The following ADD2 variants were observed in gnomAD, a reference collection of about 807,000 sequenced individuals.
The protein encoded by ADD2 is adducin 2.
A neutral mutation model predicts 83.0 loss-of-function variants in ADD2; 23 were observed. The observed-to-expected ratio is 0.28, with a 90% CI of 0.20 to 0.39. The LOEUF (loss-of-function observed/expected upper bound fraction) is 0.39, where lower values mean the gene tolerates loss of function less well. ADD2 is among the 10% of genes least tolerant of loss of function. The pLI is 1.00. For synonymous variants in ADD2, 375 were observed against 375.4 expected (o/e 1.00, Z 0.01); for missense variants, 758 against 944.9 (o/e 0.80, Z 2.59).
At chr2:70,747,438 G>A (rs1247509677) in intron 1 of ADD2, among the ~76,000 whole-genome samples, 2 of 147,752 alleles carry the variant, frequency 1.4e-5, no homozygotes, top group African/African-American at 2.5e-5. Flanking sequence ...ATCATGCCAT[G>A]TGCTCTCCCA....
At chr2:70,670,497 G>A (rs1553366895) in intron 15 of ADD2, among the ~76,000 whole-genome samples, 2 of 152,204 alleles carry the variant, frequency 1.3e-5, no homozygotes, top group African/African-American at 4.8e-5. Flanking sequence ...TGGGACAAGG[G>A]TCTGACAGGA....
At chr2:70,664,217 A>G (rs532371147) in intron 15 of ADD2, among the ~76,000 whole-genome samples, 1 of 152,378 alleles carries the variant, frequency 6.6e-6, no homozygotes, top group South Asian at 2.1e-4. Context: ...TCCAAGAAAT[A>G]TGGAGAATAT....
chr2:70,696,980 GA>G (rs1553372828), intron 4 of ADD2, among the ~76,000 whole-genome samples: 2 of 152,104 alleles, frequency 1.3e-5, no homozygotes, highest in East Asian at 3.9e-4. Context: ...CCAACACAGT[GA>G]AACCCCGTCT....
chr2:70,727,413 C>T (rs998751052), intron 1 of ADD2, among the ~76,000 whole-genome samples: 14 of 152,136 alleles, frequency 9.2e-5, no homozygotes, highest in Non-Finnish European at 1.8e-4. Context: ...CTCTCCCTCT[C>T]CTGGGCTCCA....
At chr2:70,690,673 T>C (rs966768924) in intron 8 of ADD2, 113 bp downstream of exon 8, 108 of 1,280,912 alleles carry the variant, frequency 8.4e-5, no homozygotes, top group Admixed American at 1.1e-4. Context: ...AGATCTTTCT[T>C]TTTTTTCCCC....
chr2:70,725,994 C>T lies in ADD2; in HGVS notation c.-153-12810G>A, dbSNP rs574273505. Among the ~76,000 whole-genome samples, 1,151 of 151,598 alleles carry T rather than the reference C, an allele frequency of 7.6e-3. 5 individuals carry two copies. Among genetic ancestry groups the T allele is most frequent in the Non-Finnish European group, 0.012 (836 of 67,872 alleles). On this transcript the variant is annotated intron_variant, in intron 1 of 15. Coordinates refer to ENST00000264436, the MANE Select transcript of ADD2 (RefSeq NM_001617.4). ...CGAGGTCAGGAGATCGAGACCATCCCGGCTAAAACGGTGAAACCCCGTCTC... is the reference window on the plus strand; with the variant it reads ...CGAGGTCAGGAGATCGAGACCATCCTGGCTAAAACGGTGAAACCCCGTCTC...
chr2:70,764,387 G>C (rs561889077), intron 1 of ADD2, among the ~76,000 whole-genome samples: 1 of 151,998 alleles, frequency 6.6e-6, no homozygotes, highest in Non-Finnish European at 1.5e-5. Flanking sequence ...CCTGCCAATA[G>C]AGCAGTGGTC....
Position 70,695,884 on chromosome 2 carries a change from C to T in ADD2, c.475-83G>A, listed in dbSNP as rs1250869655. On this transcript the variant is annotated intron_variant, in intron 5 of 15. Transcript: ENST00000264436. ...CACTGTGCTTGAATCCCCTCTTCCCCTGAATCTACTGCACCCAAGTCCATC... is the reference window on the plus strand; with the variant it reads ...CACTGTGCTTGAATCCCCTCTTCCCTTGAATCTACTGCACCCAAGTCCATC... The T allele has an allele frequency of 6.9e-6, 8 of 1,166,838 alleles. No homozygotes were observed. The African/African-American group carries it at 1.1e-4, about 15-fold the overall frequency. The allele number at this position is 1,166,838 out of a possible 1,614,324, so 72.3% of individuals were successfully genotyped here. A position where few individuals can be genotyped will look rare whatever the true frequency, so the allele number is the denominator to read the frequency against.
chr2:70,672,771 G>C (rs782441976), intron 15 of ADD2, 107 bp downstream of exon 15: 12 of 1,306,510 alleles, frequency 9.2e-6, no homozygotes, highest in Non-Finnish European at 1.0e-5. Context: ...AAATAGCAGA[G>C]GGGAAAGATT....
chr2:70,670,003 A>G (rs1669835654), intron 15 of ADD2, among the ~76,000 whole-genome samples: 1 of 152,166 alleles, frequency 6.6e-6, no homozygotes, highest in African/African-American at 2.4e-5. Flanking sequence ...CAAGCTCCCT[A>G]CTGACTGGAG....
chr2:70,731,758 A>T (rs1673294602), intron 1 of ADD2, among the ~76,000 whole-genome samples: 1 of 152,202 alleles, frequency 6.6e-6, no homozygotes, highest in African/African-American at 2.4e-5. Context: ...CGGACCCCAC[A>T]GCGATGGACT....
At position 70,676,722 on chromosome 2, in the gene ADD2, A is replaced by G; in HGVS notation, c.1593+74T>C. 6.2e-7 allele frequency: 1 copy of G among 1,600,664 alleles called. No individual in the cohort carries two copies. The highest frequency in any genetic ancestry group is 1.1e-5 in the South Asian group (1 of 89,628). On this transcript the variant is annotated intron_variant, in intron 13 of 15. Coordinates refer to ENST00000264436, the MANE Select transcript of ADD2 (RefSeq NM_001617.4). This position sits in a 1 kb window ranked among gnomAD's most constrained non-coding sequence, Gnocchi z 4.8. ...GGGTATGAGGACTCAGGGGTCCTGC[A>G]ACCCAGCCCCAGGCACAGAAGACCC...
intron 13 of ADD2, chr2:70,675,621 G>A (rs1429216759): frequency 1.1e-4 from 111 of 985,340 alleles, no homozygotes; most frequent in Non-Finnish European, 1.3e-4. Context: ...AGGATGCAGT[G>A]CTCTGAAGCT....
chr2:70,697,837 G>A (rs1477144832), intron 4 of ADD2, among the ~76,000 whole-genome samples: 4 of 152,186 alleles, frequency 2.6e-5, no homozygotes, highest in East Asian at 1.9e-4. Flanking sequence ...AACATCCAGC[G>A]AGCAGAGTAG....
chr2:70,754,220 C>T (rs1674660075), intron 1 of ADD2, among the ~76,000 whole-genome samples: 1 of 152,164 alleles, frequency 6.6e-6, no homozygotes. Flanking sequence ...AGCCCAAAGT[C>T]AATAATGCCT....
chr2:70,679,283 C>A (rs1553369112), intron 10 of ADD2, among the ~76,000 whole-genome samples: 2 of 152,182 alleles, frequency 1.3e-5, no homozygotes, highest in Admixed American at 6.5e-5. Flanking sequence ...TGGCTCCCAG[C>A]CCTGGCTGTA....
chr2:70,681,701 C>T (rs1553369591), intron 10 of ADD2, among the ~76,000 whole-genome samples: 1 of 151,692 alleles, frequency 6.6e-6, no homozygotes, highest in Non-Finnish European at 1.5e-5. Context: ...ACTTTATAGG[C>T]ATGTAACCAT....
intron 1 of ADD2, among the ~76,000 whole-genome samples, chr2:70,719,762 C>T (rs2104433453): frequency 6.6e-6 from 1 of 152,350 alleles, no homozygotes; most frequent in East Asian, 1.9e-4. Flanking sequence ...TAAGCAGTCA[C>T]CTTGCCTGCC....
intron 1 of ADD2, among the ~76,000 whole-genome samples, chr2:70,759,334 T>G (rs1674962548): frequency 6.6e-6 from 1 of 152,186 alleles, no homozygotes; most frequent in African/African-American, 2.4e-5. Flanking sequence ...TTTTGTATCT[T>G]TATTTTTAGC....
Sources: gnomAD v4.1 joint callset for allele counts (sites outside exome capture counted in the v4.1 genomes callset) on GRCh38, gnomAD v4.1.1 for gene constraint, Gnocchi (gnomAD v3.1) non-coding constraint, MANE v1.5 for transcripts, NCBI Gene and HGNC (gene_info 2026-07-23, HGNC 2026-07-21) for gene names.